Variants in RBP7 observed in about 807,000 individuals in gnomAD.
RBP7 encodes retinol binding protein 7.
In RBP7, 13 loss-of-function variants were observed where a neutral mutation model predicts 16.7. That is an observed-to-expected ratio of 0.78 (90% CI 0.51 to 1.24). The LOEUF (loss-of-function observed/expected upper bound fraction) is 1.24. RBP7 is among the 50% of genes most tolerant of loss of function. The pLI is 0.00. For missense variants in RBP7, 145 were observed against 159.5 expected, an observed-to-expected ratio of 0.91 and a Z score of 0.49; for synonymous variants, 54 against 56.2, an observed-to-expected ratio of 0.96 and a Z score of 0.17.
chr1:10,011,384 A>G (rs1480573287), intron 3 of RBP7, among the ~76,000 whole-genome samples: 1 of 152,194 alleles, frequency 6.6e-6, no homozygotes, highest in Non-Finnish European at 1.5e-5. Flanking sequence ...AAAACAGTGT[A>G]GGTAAAGAAA....
rs772810621 is a variant in RBP7 at position 9,998,407 on chromosome 1, C to CTTTTT, written c.73+1090_73+1094dup. ...TCTTTTTTTCTTTCTTTCTTTCTTTCTTTTTTTTTTTTTTTTTTGAGACGG... is the reference window on the plus strand; with the variant it reads ...TCTTTTTTTCTTTCTTTCTTTCTTTCTTTTTTTTTTTTTTTTTTTTTTTGAGACGG... On this transcript the variant is annotated intron_variant, in intron 1 of 3. Coordinates refer to ENST00000294435, the MANE Select transcript of RBP7 (RefSeq NM_052960.3). Among the ~76,000 whole-genome samples, 97 of 121,576 alleles carry CTTTTT rather than the reference C, an allele frequency of 8.0e-4. 1 individual carries two copies. The highest frequency in any genetic ancestry group is 2.2e-3 in the African/African-American group (65 of 29,912). The allele number at this position is 121,576 out of a possible 152,430, so 79.8% of individuals were successfully genotyped here.
chr1:10,006,764 TAGAGAGAG>T (rs1212966695), intron 1 of RBP7, among the ~76,000 whole-genome samples: 6 of 141,532 alleles, frequency 4.2e-5, no homozygotes, highest in Non-Finnish European at 3.0e-5. Flanking sequence ...TATATATATA[TAGAGAGAG>T]AGAGAGAGAG....
Position 10,015,933 on chromosome 1 carries a change from C to A in RBP7, c.*101C>A. The A allele has an allele frequency of 9.0e-7, 1 of 1,116,332 alleles. No homozygotes were observed. The allele number at this position is 1,116,332 out of a possible 1,614,324, so 69.2% of individuals were successfully genotyped here. A position where few individuals can be genotyped will look rare whatever the true frequency, so the allele number is the denominator to read the frequency against. ...TCTATCCCATTTGGCGACGAGGACT[C>A]GTGGCTGGAGAGAGCCACACAGCGT... On this transcript the variant is annotated 3_prime_UTR_variant, in exon 4 of 4. Coordinates refer to ENST00000294435, the MANE Select transcript of RBP7 (RefSeq NM_052960.3).
rs917950969 is a variant in RBP7 at position 10,015,875 on chromosome 1, G to C, written c.*43G>C. The stretch of plus-strand genomic sequence containing the variant: ...AGCCCACTTGTGGCTGCAGCTTTAT[G>C]CCAAATTATATTGCAGACTGAACAG... On this transcript the variant is annotated 3_prime_UTR_variant, in exon 4 of 4. Coordinates refer to ENST00000294435, the MANE Select transcript of RBP7 (RefSeq NM_052960.3). The C allele has an allele frequency of 1.9e-6, 3 of 1,580,884 alleles. No homozygotes were observed. In the Admixed American group the frequency reaches 5.0e-5, roughly 26 times the overall value.
chr1:10,012,360 G>T (rs1160757076), intron 3 of RBP7, among the ~76,000 whole-genome samples: 1 of 149,630 alleles, frequency 6.7e-6, no homozygotes, highest in Non-Finnish European at 1.5e-5. Flanking sequence ...CAGCCTGGGG[G>T]ATACAGCAAG....
chr1:10,014,336 C>A (rs1432594562), intron 3 of RBP7, among the ~76,000 whole-genome samples: 2 of 151,938 alleles, frequency 1.3e-5, no homozygotes, highest in Non-Finnish European at 2.9e-5. Context: ...CCTACTTTGC[C>A]CTATGCGTCT....
chr1:10,015,641 C>T (rs1396368591), intron 3 of RBP7, 141 bp from the exon 4 acceptor site: 28 of 666,004 alleles, frequency 4.2e-5, no homozygotes, highest in East Asian at 5.8e-5. Context: ...TTAGCCAGGA[C>T]GACAGAGTGA....
chr1:10,013,673 G>A (rs1170784751), intron 3 of RBP7, among the ~76,000 whole-genome samples: 1 of 152,062 alleles, frequency 6.6e-6, no homozygotes, highest in Non-Finnish European at 1.5e-5. Flanking sequence ...AGCCGGGTGT[G>A]GTGGCGGGCA....
rs1015759423 is a variant in RBP7 at position 9,997,740 on chromosome 1, C to A, written c.73+409C>A. 6.6e-6 allele frequency among the ~76,000 whole-genome samples: 1 copy of A among 152,050 alleles called. No homozygotes were observed. The highest frequency in any genetic ancestry group is 1.5e-5 in the Non-Finnish European group (1 of 67,932). On this transcript the variant is annotated intron_variant, in intron 1 of 3. Coordinates refer to ENST00000294435, the MANE Select transcript of RBP7 (RefSeq NM_052960.3). The surrounding 1 kb of genome is among the most constrained non-coding windows in gnomAD (Gnocchi z 5.9). ...GAGGGGGGTCCGGCCGGGGAGGGGG[C>A]GCCCGGGACCGAAGCCTCTGCCCGG...
At chr1:10,004,708 T>C (rs1029760141) in intron 1 of RBP7, among the ~76,000 whole-genome samples, 1 of 152,130 alleles carries the variant, frequency 6.6e-6, no homozygotes, top group African/African-American at 2.4e-5. Context: ...TAGTCTAAAG[T>C]TATTGGGTTT....
In RBP7 at chr1:10,006,753, A is replaced by G. The variant is rs71643080; in HGVS notation, c.74-817A>G. Reference sequence around the variant, plus strand: ...TGTGTGTGTGTGTGTGTGTGTGTGTATATATATATATAGAGAGAGAGAGAG... The same window carrying G: ...TGTGTGTGTGTGTGTGTGTGTGTGTGTATATATATATAGAGAGAGAGAGAG... On this transcript the variant is annotated intron_variant, in intron 1 of 3. Transcript: ENST00000294435. 6.9e-3 allele frequency among the ~76,000 whole-genome samples: 964 copies of G among 139,370 alleles called. 2 individuals are homozygous for G. Among genetic ancestry groups the G allele is most frequent in the Middle Eastern group, 0.014 (4 of 282 alleles). 91.4% of individuals were successfully genotyped at this position (139,370 alleles called of 152,430 possible).
intron 3 of RBP7, among the ~76,000 whole-genome samples, chr1:10,014,329 A>G (rs1174170973): frequency 6.6e-6 from 1 of 151,246 alleles, no homozygotes; most frequent in Non-Finnish European, 1.5e-5. Flanking sequence ...CCCCCTTCCT[A>G]CTTTGCCCTA....
At chr1:10,009,271 A>G (rs1459143174) in intron 3 of RBP7, among the ~76,000 whole-genome samples, 1 of 152,032 alleles carries the variant, frequency 6.6e-6, no homozygotes, top group Non-Finnish European at 1.5e-5. Context: ...TTAGCTGGGC[A>G]TGGTGGCACA....
chr1:10,009,613 C>A (rs1385661668), intron 3 of RBP7, among the ~76,000 whole-genome samples: 7 of 151,030 alleles, frequency 4.6e-5, no homozygotes, highest in Non-Finnish European at 1.0e-4. Context: ...CTCACTGCAA[C>A]CTCTGCCTCC....
At chr1:10,014,543 C>T (rs1175219366) in intron 3 of RBP7, among the ~76,000 whole-genome samples, 2 of 151,944 alleles carry the variant, frequency 1.3e-5, no homozygotes, top group Non-Finnish European at 2.9e-5. Context: ...TGCACCACCA[C>T]ACCCGGCTAA....
intron 1 of RBP7, among the ~76,000 whole-genome samples, chr1:10,005,536 C>T (rs1642415148): frequency 6.6e-6 from 1 of 151,072 alleles, no homozygotes; most frequent in African/African-American, 2.4e-5. Flanking sequence ...GACATTTATA[C>T]TATTGTTTTA....
intron 3 of RBP7, among the ~76,000 whole-genome samples, chr1:10,009,239 G>A (rs1449868013): frequency 1.3e-5 from 2 of 151,858 alleles, no homozygotes; most frequent in South Asian, 2.1e-4. Context: ...GTGAAACCCC[G>A]TCTCTACTAA....
intron 1 of RBP7, among the ~76,000 whole-genome samples, chr1:10,004,500 G>T (rs1396119173): frequency 2.0e-5 from 3 of 148,012 alleles, no homozygotes; most frequent in Non-Finnish European, 4.5e-5. Context: ...CTCAGCCTCT[G>T]GAGTAGCTGG....
At position 9,997,512 on chromosome 1, in the gene RBP7, G is replaced by T. The variant is rs931210275; in HGVS notation, c.73+181G>T. ...TGGCGCCTCCGTCCATCGGGCGCGGGACCCCAGTCCTTCAGTCCCCCAGTC... is the reference window on the plus strand; with the variant it reads ...TGGCGCCTCCGTCCATCGGGCGCGGTACCCCAGTCCTTCAGTCCCCCAGTC... On this transcript the variant is annotated intron_variant, in intron 1 of 3. Coordinates refer to ENST00000294435, the MANE Select transcript of RBP7 (RefSeq NM_052960.3). This position sits in a 1 kb window ranked among gnomAD's most constrained non-coding sequence, Gnocchi z 5.9. Among the ~76,000 whole-genome samples, 13 of 151,656 alleles carry T rather than the reference G, an allele frequency of 8.6e-5. No individual in the cohort carries two copies. The highest frequency in any genetic ancestry group is 3.1e-4 in the African/African-American group (13 of 41,302).
Sources: gnomAD v4.1 joint callset for allele counts (sites outside exome capture counted in the v4.1 genomes callset) on GRCh38, gnomAD v4.1.1 for gene constraint, Gnocchi (gnomAD v3.1) non-coding constraint, MANE v1.5 for transcripts, NCBI Gene and HGNC (gene_info 2026-07-23, HGNC 2026-07-21) for gene names.